FBXL7: variants seen among roughly 807,000 people sequenced by gnomAD.
The protein encoded by FBXL7 is F-box and leucine rich repeat protein 7, also known as F-box/LRR-repeat protein 7.
In FBXL7, 12 loss-of-function variants were observed where a neutral mutation model predicts 38.3. That is an observed-to-expected ratio of 0.31 (90% CI 0.20 to 0.51). FBXL7 has a LOEUF of 0.51. FBXL7 is among the 20% of genes least tolerant of loss of function. FBXL7 has a pLI of 0.98. For missense variants in FBXL7, 567 were observed against 676.4 expected (o/e 0.84, Z 1.79); for synonymous variants, 297 against 300.9 (o/e 0.99, Z 0.13).
intron 2 of FBXL7, among the ~76,000 whole-genome samples, chr5:15,845,685 A>G (rs1222471130): frequency 6.6e-6 from 1 of 152,220 alleles, no homozygotes; most frequent in Non-Finnish European, 1.5e-5. Flanking sequence ...ATTTAAAAAT[A>G]CAGAGGCTGG....
intron 3 of FBXL7, among the ~76,000 whole-genome samples, chr5:15,931,949 G>A (rs1023828550): frequency 3.9e-5 from 6 of 152,142 alleles, no homozygotes; most frequent in Admixed American, 6.5e-5. Context: ...TGCCTTTTGG[G>A]TACAGAAAGC....
intron 1 of FBXL7, chr5:15,602,449 C>G (rs1739827028): frequency 6.6e-6 from 1 of 151,982 alleles, no homozygotes; most frequent in Non-Finnish European, 1.5e-5. Flanking sequence ...CATGCAGTTA[C>G]TTCTCTTATT....
At chr5:15,735,714 G>A (rs1313589490) in intron 2 of FBXL7, among the ~76,000 whole-genome samples, 2 of 152,178 alleles carry the variant, frequency 1.3e-5, no homozygotes, top group Non-Finnish European at 1.5e-5. Context: ...CCGGAGAGAA[G>A]GGCTTAGAGC....
At chr5:15,822,727 T>C (rs996777243) in intron 2 of FBXL7, among the ~76,000 whole-genome samples, 1 of 151,814 alleles carries the variant, frequency 6.6e-6, no homozygotes, top group Admixed American at 6.6e-5. Flanking sequence ...CTCATCACTG[T>C]AGATGTGCGT....
intron 2 of FBXL7, among the ~76,000 whole-genome samples, chr5:15,630,725 C>G (rs866947010): frequency 1.4e-4 from 21 of 152,170 alleles, no homozygotes; most frequent in Middle Eastern, 6.8e-3. Flanking sequence ...GAAATGAATT[C>G]ATCAAATCTC....
chr5:15,578,367 G>A lies in FBXL7; in HGVS notation c.38-37616G>A, dbSNP rs185999569. Among the ~76,000 whole-genome samples, 1,046 of 152,274 alleles carry A rather than the reference G, an allele frequency of 6.9e-3. 3 individuals are homozygous for A. The highest frequency in any genetic ancestry group is 0.012 in the Non-Finnish European group (849 of 68,022). The stretch of plus-strand genomic sequence containing the variant: ...ATTAGGATGTCGCTCCCAAGAGAGA[G>A]AGACATGATCTCAAAGAAAAACAGT... On this transcript the variant is annotated intron_variant, in intron 1 of 3. Coordinates refer to ENST00000504595, the MANE Select transcript of FBXL7 (RefSeq NM_012304.5).
intron 1 of FBXL7, among the ~76,000 whole-genome samples, chr5:15,561,375 T>C (rs984173745): frequency 1.3e-5 from 2 of 152,170 alleles, no homozygotes; most frequent in Non-Finnish European, 2.9e-5. Context: ...GATTCATACA[T>C]GTTGTTGCAA....
At chr5:15,644,605 A>G (rs1258791578) in intron 2 of FBXL7, among the ~76,000 whole-genome samples, 1 of 152,158 alleles carries the variant, frequency 6.6e-6, no homozygotes, top group Non-Finnish European at 1.5e-5. Context: ...CTTTATTTCT[A>G]GGGGAACACT....
In FBXL7 at chr5:15,568,582, T is replaced by A. The variant is rs559354312; in HGVS notation, c.38-47401T>A. On this transcript the variant is annotated intron_variant, in intron 1 of 3. Coordinates refer to ENST00000504595, the MANE Select transcript of FBXL7 (RefSeq NM_012304.5). ...GTAGTTTCTTTTGCTGTGCAGAAGC[T>A]CTTTAGTTTAATTAGATCCCATTTG... Among the ~76,000 whole-genome samples the A allele has an allele frequency of 3.3e-5, 5 of 151,722 alleles. No individual in the cohort carries two copies. In the East Asian group the frequency reaches 9.7e-4, roughly 29 times the overall value.
chr5:15,837,834 A>T (rs10520826), intron 2 of FBXL7, among the ~76,000 whole-genome samples: 6,887 of 152,140 alleles, frequency 0.045, 498 homozygotes, highest in African/African-American at 0.16. Flanking sequence ...GGGCTCGTTG[A>T]AACTCTGTTC....
In FBXL7 at chr5:15,937,975, C is replaced by T. The variant is rs1436205119; in HGVS notation, c.*789C>T. ...TAGAGCACCCAGGCATCGACCTCTT[C>T]CAGGAGAACTGATTCTGTGGATGGA... On this transcript the variant is annotated 3_prime_UTR_variant, in exon 4 of 4. Coordinates refer to ENST00000504595, the MANE Select transcript of FBXL7 (RefSeq NM_012304.5). The T allele has an allele frequency of 6.6e-6, 1 of 152,274 alleles. No individual in the cohort carries two copies. The highest frequency in any genetic ancestry group is 1.5e-5 in the Non-Finnish European group (1 of 68,132). 9.4% of individuals were successfully genotyped at this position (152,274 alleles called of 1,614,324 possible). A position where few individuals can be genotyped will look rare whatever the true frequency, so the allele number is the denominator to read the frequency against.
chr5:15,623,172 A>G (rs1431777321), intron 2 of FBXL7, among the ~76,000 whole-genome samples: 1 of 152,226 alleles, frequency 6.6e-6, no homozygotes, highest in African/African-American at 2.4e-5. Flanking sequence ...CAGCCTGTTC[A>G]GAATAGTTTG....
intron 2 of FBXL7, among the ~76,000 whole-genome samples, chr5:15,790,665 T>C (rs923015494): frequency 6.6e-6 from 1 of 152,092 alleles, no homozygotes; most frequent in South Asian, 2.1e-4. Flanking sequence ...TTAAAAACAA[T>C]GTAGTTGAGA....
intron 2 of FBXL7, among the ~76,000 whole-genome samples, chr5:15,666,000 T>C (rs1742262466): frequency 1.3e-5 from 2 of 152,120 alleles, no homozygotes; most frequent in Non-Finnish European, 2.9e-5. Flanking sequence ...ATAATCAGGA[T>C]CTAGAGGATC....
intron 2 of FBXL7, among the ~76,000 whole-genome samples, chr5:15,655,661 A>T (rs1176263032): frequency 1.3e-5 from 2 of 152,194 alleles, no homozygotes; most frequent in African/African-American, 4.8e-5. Flanking sequence ...GCCTGAAATA[A>T]TTCTGTTTAT....
chr5:15,695,175 C>T (rs1743296777), intron 2 of FBXL7, among the ~76,000 whole-genome samples: 1 of 152,104 alleles, frequency 6.6e-6, no homozygotes, highest in Non-Finnish European at 1.5e-5. Context: ...TGACCTTGAA[C>T]TTTGCAAATG....
intron 2 of FBXL7, among the ~76,000 whole-genome samples, chr5:15,807,379 C>T (rs187211578): frequency 1.1e-4 from 16 of 152,276 alleles, no homozygotes; most frequent in African/African-American, 3.8e-4. Flanking sequence ...CCTCTTCTGA[C>T]CCATTGTGCC....
In FBXL7 at chr5:15,632,307, A is replaced by C. The variant is rs116822930; in HGVS notation, c.127+16235A>C. ...AAAATTTTATTTTTTTTATTTATGAATATATTCTTCTTATTTTTATAACAA... is the reference window on the plus strand; with the variant it reads ...AAAATTTTATTTTTTTTATTTATGACTATATTCTTCTTATTTTTATAACAA... On this transcript the variant is annotated intron_variant, in intron 2 of 3. Transcript: ENST00000504595. 4.7e-3 allele frequency among the ~76,000 whole-genome samples: 719 copies of C among 152,236 alleles called. 5 individuals carry two copies. Among genetic ancestry groups the C allele is most frequent in the African/African-American group, 0.017 (699 of 41,546 alleles).
At chr5:15,620,702 G>T (rs1740609283) in intron 2 of FBXL7, among the ~76,000 whole-genome samples, 1 of 152,146 alleles carries the variant, frequency 6.6e-6, no homozygotes. Context: ...GGCGGAACTG[G>T]CCTGAAACTG....
Sources: gnomAD v4.1 joint callset for allele counts (sites outside exome capture counted in the v4.1 genomes callset) on GRCh38, gnomAD v4.1.1 for gene constraint, MANE v1.5 for transcripts, NCBI Gene and HGNC (gene_info 2026-07-23, HGNC 2026-07-21) for gene names.